Variants in IL17RB observed in about 807,000 individuals in gnomAD.
The protein encoded by IL17RB is interleukin 17 receptor B.
IL17RB carries 36 observed loss-of-function variants against 43.9 expected under a neutral mutation model. That is an observed-to-expected ratio of 0.82 (90% CI 0.63 to 1.08). The LOEUF is 1.08. Ranked by LOEUF, IL17RB falls within the 50% of genes least tolerant of loss-of-function variation. The pLI is 0.00. For synonymous variants in IL17RB, 225 were observed against 225.4 expected (o/e 1.00, Z 0.02); for missense variants, 613 against 613.6 (o/e 1.00, Z 0.01).
intron 10 of IL17RB, chr3:53,861,336 A>C (rs139509996): frequency 7.2e-4 from 109 of 152,258 alleles, no homozygotes; most frequent in African/African-American, 2.5e-3. Flanking sequence ...AAATTGCTTG[A>C]TATGTACCAT....
At chr3:53,853,059 A>C in intron 5 of IL17RB, 62 bp downstream of exon 5, 2 of 1,601,152 alleles carry the variant, frequency 1.2e-6, no homozygotes, top group Non-Finnish European at 1.7e-6. Flanking sequence ...TGCGATATGC[A>C]CAGAGAGAGC....
chr3:53,860,710 G>C (rs906846008), intron 10 of IL17RB: 1 of 151,962 alleles, frequency 6.6e-6, no homozygotes, highest in Non-Finnish European at 1.5e-5. Context: ...TTGGAGATTT[G>C]TATCACTTTG....
Position 53,857,612 on chromosome 3 carries a change from T to C in IL17RB, c.673-4T>C. ...TCATAATTCTTGACTCTCTCTCTCT[T>C]AAGCCACACCAGAAGAAACAAACGC... On this transcript the variant is annotated splice_polypyrimidine_tract_variant and splice_region_variant and intron_variant, in intron 7 of 10. Coordinates refer to ENST00000288167, the MANE Select transcript of IL17RB (RefSeq NM_018725.4). The C allele has an allele frequency of 3.1e-6, 5 of 1,613,850 alleles. No homozygotes were observed. The highest frequency in any genetic ancestry group is 2.5e-6 in the Non-Finnish European group (3 of 1,179,742).
At position 53,856,931 on chromosome 3, in the gene IL17RB, G is replaced by T. The variant is rs1199857461; in HGVS notation, c.617G>T (p.Arg206Ile). Residue 206 changes from arginine to isoleucine, a missense_variant, in exon 7 of 11, where the codon AGA becomes ATA. Transcript: ENST00000288167. ...TTCACAACCACTCCCCTGGGAAACA[G>T]ATACATGGCTCTTATCCAACACAGC... ...VNFTTTPLGN[R>I]YMALIQHSTI... 6.2e-7 allele frequency: 1 copy of T among 1,614,132 alleles called. No individual in the cohort carries two copies. Among genetic ancestry groups the T allele is most frequent in the East Asian group, 2.2e-5 (1 of 44,874 alleles).
In IL17RB at chr3:53,857,608, CTCTT is replaced by C; in HGVS notation, c.673-7_673-4del. On this transcript the variant is annotated splice_polypyrimidine_tract_variant and splice_region_variant and intron_variant, in intron 7 of 10. Transcript: ENST00000288167. The stretch of plus-strand genomic sequence containing the variant: ...CACCTCATAATTCTTGACTCTCTCT[CTCTT>C]AAGCCACACCAGAAGAAACAAACGC... 1 of 1,613,768 alleles carries C rather than the reference CTCTT, an allele frequency of 6.2e-7. No homozygotes were observed. The highest frequency in any genetic ancestry group is 1.3e-5 in the African/African-American group (1 of 75,030).
chr3:53,861,028 G>A lies in IL17RB; in HGVS notation c.946+800G>A, dbSNP rs1559782827. 4 of 152,228 alleles carry A rather than the reference G, an allele frequency of 2.6e-5. No individual in the cohort carries two copies. In the South Asian group the frequency reaches 8.3e-4, roughly 32 times the overall value. 9.4% of individuals were successfully genotyped at this position (152,228 alleles called of 1,614,324 possible). ...CTGTCCTGCTGTGAATAATTTCCTA[G>A]CCACCTCCTGTTGCTACTGTGGTGA... is the stretch of plus-strand genomic sequence containing the variant. On this transcript the variant is annotated intron_variant, in intron 10 of 10. Transcript: ENST00000288167.
chr3:53,846,748 C>A, intron 1 of IL17RB, 100 bp downstream of exon 1: 1 of 1,286,192 alleles, frequency 7.8e-7, no homozygotes, highest in Admixed American at 2.4e-5. Context: ...AAGGCGTGCG[C>A]GGACTGCCGG....
rs912446767 is a variant in IL17RB, at chr3:53,857,772, C to T, written c.747+82C>T. On this transcript the variant is annotated intron_variant, in intron 8 of 10. Coordinates refer to ENST00000288167, the MANE Select transcript of IL17RB (RefSeq NM_018725.4). Reference sequence around the variant, plus strand: ...TTCATTGCTTTTAAGGATGAGTTCTCTCTTGTCAAATGCACTTCTGCCAGC... The same window carrying T: ...TTCATTGCTTTTAAGGATGAGTTCTTTCTTGTCAAATGCACTTCTGCCAGC... 2.0e-5 allele frequency: 25 copies of T among 1,264,638 alleles called. No homozygotes were observed. In the South Asian group the frequency reaches 2.9e-4, roughly 15 times the overall value. 78.3% of individuals were successfully genotyped at this position (1,264,638 alleles called of 1,614,324 possible). A position where few individuals can be genotyped will look rare whatever the true frequency, so the allele number is the denominator to read the frequency against.
chr3:53,865,127 AC>A lies in IL17RB; in HGVS notation c.1329del (p.Tyr443Ter). The A allele has an allele frequency of 6.2e-7, 1 of 1,614,202 alleles. No homozygotes were observed. The highest frequency in any genetic ancestry group is 8.5e-7 in the Non-Finnish European group (1 of 1,180,030). ...AGAAGCCAGATTCATCTGCACAAAT[AC>A]GTGGTGGTCTACTTTAGAGAGATTG... ...DLRSQIHLHK[Y>X]VVVYFREIDT... On this transcript the variant is annotated frameshift_variant, in exon 11 of 11. Transcript: ENST00000288167. LOFTEE classifies it low-confidence loss of function (END_TRUNC).
At chr3:53,850,480 A>G (rs1224111407) in intron 3 of IL17RB, among the ~76,000 whole-genome samples, 2 of 142,028 alleles carry the variant, frequency 1.4e-5, no homozygotes, top group African/African-American at 5.3e-5. Flanking sequence ...AGCCTGGGCA[A>G]CAGAGTGAAA....
chr3:53,850,322 C>A (rs1463970175), intron 3 of IL17RB, among the ~76,000 whole-genome samples: 1 of 151,176 alleles, frequency 6.6e-6, no homozygotes, highest in African/African-American at 2.4e-5. Flanking sequence ...CATGGCAAAA[C>A]CCCATCTCTA....
chr3:53,849,230 A>G (rs927722989), intron 2 of IL17RB, among the ~76,000 whole-genome samples: 4 of 152,234 alleles, frequency 2.6e-5, no homozygotes, highest in African/African-American at 9.6e-5. Context: ...CAAATACACT[A>G]AATATATACA....
In IL17RB at chr3:53,865,200, C is replaced by A. The variant is rs1699742580; in HGVS notation, c.1401C>A (p.His467Gln). ...CTCTCAGTGTCTGCCCCAAGTACCA[C>A]CTCATGAAGGATGCCACTGCTTTCT... Reference protein sequence around the residue: ...YNALSVCPKYHLMKDATAFCA... With the variant: ...YNALSVCPKYQLMKDATAFCA... The change falls in exon 11 of 11, where the codon CAC (histidine) becomes CAA (glutamine). Residue 467 changes from histidine to glutamine, a missense_variant. By Grantham distance (24) the His-to-Gln change is conservative (BLOSUM62 0). Coordinates refer to ENST00000288167, the MANE Select transcript of IL17RB (RefSeq NM_018725.4). 6.2e-7 allele frequency: 1 copy of A among 1,613,936 alleles called. No individual in the cohort carries two copies. The highest frequency in any genetic ancestry group is 8.5e-7 in the Non-Finnish European group (1 of 1,180,004).
At chr3:53,855,151 C>G in intron 5 of IL17RB, 143 bp from the exon 6 acceptor site, 1 of 422,486 alleles carries the variant, frequency 2.4e-6, no homozygotes, top group Non-Finnish European at 4.4e-6. Context: ...ATTAGAGCCC[C>G]ATTTGAATTT....
At chr3:53,847,031 T>G (rs1421782956) in intron 1 of IL17RB, among the ~76,000 whole-genome samples, 2 of 152,224 alleles carry the variant, frequency 1.3e-5, no homozygotes, top group Non-Finnish European at 2.9e-5. Context: ...GCTCACCTGT[T>G]GGGGCACAAG....
At chr3:53,864,720 TAAC>T (rs771858202) in intron 10 of IL17RB, 23 bp from the exon 11 acceptor site, 1 of 1,529,788 alleles carries the variant, frequency 6.5e-7, no homozygotes. Flanking sequence ...TGTTCACAGA[TAAC>T]AAATGCTTTT....
At chr3:53,861,225 C>T (rs541346399) in intron 10 of IL17RB, 1 of 152,168 alleles carries the variant, frequency 6.6e-6, no homozygotes, top group Non-Finnish European at 1.5e-5. Context: ...ACCTTAGGAC[C>T]CATACGAAGT....
chr3:53,849,890 C>A, intron 3 of IL17RB, 95 bp downstream of exon 3: 2 of 1,217,304 alleles, frequency 1.6e-6, no homozygotes, highest in Non-Finnish European at 2.3e-6. Flanking sequence ...CTACGCATAA[C>A]CAACAGAAAT....
rs1699734630 is a variant in IL17RB, at chr3:53,865,072, C to G, written c.1273C>G (p.Leu425Val). The G allele has an allele frequency of 6.2e-7, 1 of 1,614,020 alleles. No homozygotes were observed. Among genetic ancestry groups the G allele is most frequent in the African/African-American group, 1.3e-5 (1 of 74,930 alleles). The change falls in exon 11 of 11, where the codon CTT becomes GTT. Residue 425 changes from leucine (L) to valine (V), a missense_variant. By Grantham distance (32) the Leu-to-Val change is conservative. Transcript: ENST00000288167. Reference sequence around the variant, plus strand: ...TGAGAACTCTCAAGACCTCTTCCCCCTTGCCTTTAACCTTTTCTGCAGTGA... The same window carrying G: ...TGAGAACTCTCAAGACCTCTTCCCCGTTGCCTTTAACCTTTTCTGCAGTGA... ...PSENSQDLFP[L>V]AFNLFCSDLR... is the part of the protein sequence containing the mutation.
Sources: allele counts gnomAD v4.1 joint callset (sites outside exome capture counted in the v4.1 genomes callset), GRCh38; gene constraint gnomAD v4.1.1; transcripts MANE v1.5; gene names NCBI Gene and HGNC (gene_info 2026-07-23, HGNC 2026-07-21).